The following SORCS3 variants were observed in gnomAD, a reference collection of about 807,000 sequenced individuals.
SORCS3 encodes sortilin related VPS10 domain containing receptor 3.
A neutral mutation model predicts 146.3 loss-of-function variants in SORCS3; 57 were observed. The ratio of observed to expected loss-of-function variants is 0.39; its 90% CI spans 0.31 to 0.49. SORCS3 has a LOEUF of 0.49. Among genes scored for constraint, SORCS3 ranks in the 20% least tolerant of loss-of-function variants. SORCS3 has a pLI of 0.92. For synonymous variants in SORCS3, 653 were observed against 618.5 expected, an observed-to-expected ratio of 1.06 and a Z score of -0.83; for missense variants, 1,341 against 1,575.5, an observed-to-expected ratio of 0.85 and a Z score of 2.52.
chr10:104,786,683 A>T (rs2017441026), intron 1 of SORCS3, among the ~76,000 whole-genome samples: 1 of 151,986 alleles, frequency 6.6e-6, no homozygotes, highest in African/African-American at 2.4e-5. Context: ...GGTGCAGAGC[A>T]TGTGCTGGGT....
chr10:104,943,216 G>A (rs185741720), intron 3 of SORCS3, among the ~76,000 whole-genome samples: 7 of 152,116 alleles, frequency 4.6e-5, no homozygotes, highest in Admixed American at 1.3e-4. Context: ...TGCAACATCC[G>A]CCTCTTAAGT....
chr10:104,974,033 T>C (rs1470463845), intron 3 of SORCS3, among the ~76,000 whole-genome samples: 3 of 152,194 alleles, frequency 2.0e-5, no homozygotes, highest in Non-Finnish European at 4.4e-5. Context: ...TCCTGAGTTC[T>C]AGTTTGATTG....
chr10:105,247,127 C>T, intron 21 of SORCS3, 92 bp from the exon 22 acceptor site: 1 of 569,492 alleles, frequency 1.8e-6, no homozygotes, highest in Non-Finnish European at 3.0e-6. Flanking sequence ...AGACCTTTTA[C>T]CAAAAGCACA....
At chr10:105,181,379 G>A (rs1285597329) in intron 14 of SORCS3, among the ~76,000 whole-genome samples, 1 of 152,144 alleles carries the variant, frequency 6.6e-6, no homozygotes, top group African/African-American at 2.4e-5. Flanking sequence ...TATGTGTGTA[G>A]AGGTGTCTAT....
chr10:104,919,150 CATG>C (rs1230528279), intron 3 of SORCS3, among the ~76,000 whole-genome samples: 8 of 152,262 alleles, frequency 5.3e-5, no homozygotes, highest in African/African-American at 1.9e-4. Flanking sequence ...TATCCTTCCT[CATG>C]GTGACATTCA....
chr10:104,671,308 G>A lies in SORCS3; in HGVS notation c.627+29354G>A, dbSNP rs531472115. 3.9e-5 allele frequency among the ~76,000 whole-genome samples: 3 copies of A among 76,746 alleles called. No homozygotes were observed. In the South Asian group the frequency reaches 1.5e-3, roughly 38 times the overall value. The allele number at this position is 76,746 out of a possible 152,430, so 50.3% of individuals were successfully genotyped here. ...TTTATATGGCTCCTATTATGTTAAGGTAGTTTCATTCTTTTCCTTTTTTTT... is the reference window on the plus strand; with the variant it reads ...TTTATATGGCTCCTATTATGTTAAGATAGTTTCATTCTTTTCCTTTTTTTT... On this transcript the variant is annotated intron_variant, in intron 1 of 26. Coordinates refer to ENST00000369701, the MANE Select transcript of SORCS3 (RefSeq NM_014978.3).
At chr10:105,245,213 A>G (rs1319433312) in intron 20 of SORCS3, among the ~76,000 whole-genome samples, 1 of 152,154 alleles carries the variant, frequency 6.6e-6, no homozygotes, top group Non-Finnish European at 1.5e-5. Flanking sequence ...GAGAAGGGAA[A>G]TGATCTCCTA....
chr10:104,694,992 A>G (rs1326175491), intron 1 of SORCS3, among the ~76,000 whole-genome samples: 3 of 152,204 alleles, frequency 2.0e-5, no homozygotes, highest in African/African-American at 7.2e-5. Flanking sequence ...AGTATTGAGT[A>G]TGCAGTCATG....
At chr10:105,252,547 G>A (rs1173334025) in intron 22 of SORCS3, among the ~76,000 whole-genome samples, 1 of 152,142 alleles carries the variant, frequency 6.6e-6, no homozygotes, top group Non-Finnish European at 1.5e-5. Context: ...TCTAGTTTCA[G>A]TAAAAATGTA....
intron 1 of SORCS3, among the ~76,000 whole-genome samples, chr10:104,757,159 C>T (rs528384321): frequency 1.5e-3 from 220 of 149,532 alleles, no homozygotes; most frequent in Non-Finnish European, 2.5e-3. Context: ...GCCCCCTGAC[C>T]CAAATGTTCT....
intron 25 of SORCS3, among the ~76,000 whole-genome samples, chr10:105,259,674 T>C (rs930060517): frequency 2.6e-5 from 4 of 152,208 alleles, no homozygotes; most frequent in Non-Finnish European, 5.9e-5. Flanking sequence ...TAACTGAAGA[T>C]CTGCTTTTTC....
intron 1 of SORCS3, among the ~76,000 whole-genome samples, chr10:104,749,381 T>G (rs1475860650): frequency 6.6e-6 from 1 of 152,074 alleles, no homozygotes; most frequent in African/African-American, 2.4e-5. Flanking sequence ...GCATCAGCTG[T>G]TTTCCTAGTT....
At chr10:104,642,049 GTCGAGGC>G in intron 1 of SORCS3, 95 bp downstream of exon 1, 1 of 1,383,746 alleles carries the variant, frequency 7.2e-7, no homozygotes. Flanking sequence ...TTGCTCGGGG[GTCGAGGC>G]GGGGGACGCC....
intron 7 of SORCS3, among the ~76,000 whole-genome samples, chr10:105,118,438 A>G (rs2133763105): frequency 6.6e-6 from 1 of 152,294 alleles, no homozygotes; most frequent in African/African-American, 2.4e-5. Context: ...TCTTTATAGC[A>G]GTGTGAGAAC....
At chr10:105,102,385 G>A (rs900467862) in intron 6 of SORCS3, among the ~76,000 whole-genome samples, 1 of 152,176 alleles carries the variant, frequency 6.6e-6, no homozygotes, top group African/African-American at 2.4e-5. Context: ...GCAGCAACAT[G>A]GATGGAGCTG....
At chr10:105,262,589 G>T (rs878872135) in intron 26 of SORCS3, 98 bp downstream of exon 26, 17 of 1,228,788 alleles carry the variant, frequency 1.4e-5, no homozygotes, top group Non-Finnish European at 1.9e-5. Flanking sequence ...GGAGGGTGGG[G>T]ACAAACAACT....
At position 104,915,238 on chromosome 10, in the gene SORCS3, C is replaced by T. The variant is rs566085803; in HGVS notation, c.696-595C>T. On this transcript the variant is annotated intron_variant, in intron 2 of 26. Coordinates refer to ENST00000369701, the MANE Select transcript of SORCS3 (RefSeq NM_014978.3). ...GCAGCCCAGTGCCATAGGCTTTTCA[C>T]CCTGGACACACCCACATCGTTGTCC... 2.0e-5 allele frequency among the ~76,000 whole-genome samples: 3 copies of T among 152,252 alleles called. No homozygotes were observed. In the East Asian group the frequency reaches 5.8e-4, roughly 29 times the overall value.
intron 3 of SORCS3, among the ~76,000 whole-genome samples, chr10:104,927,724 C>CA (rs11383875): frequency 0.49 from 74,512 of 151,640 alleles, 22,035 homozygotes; most frequent in African/African-American, 0.84. Context: ...ACTAAAAGTA[C>CA]AAAATTAGCC....
intron 1 of SORCS3, among the ~76,000 whole-genome samples, chr10:104,803,045 T>C (rs2017641479): frequency 6.6e-6 from 1 of 152,166 alleles, no homozygotes; most frequent in South Asian, 2.1e-4. Context: ...ACCCTCTAAG[T>C]TTGTCCTTTT....
Sources: gnomAD v4.1 joint callset for allele counts (sites outside exome capture counted in the v4.1 genomes callset) on GRCh38, gnomAD v4.1.1 for gene constraint, MANE v1.5 for transcripts, NCBI Gene and HGNC (gene_info 2026-07-23, HGNC 2026-07-21) for gene names.